Variants in IREB2 observed in about 807,000 individuals in gnomAD.
The protein encoded by IREB2 is iron responsive element binding protein 2, also known as iron-responsive element-binding protein 2.
A neutral mutation model predicts 118.8 loss-of-function variants in IREB2; 39 were observed. The observed-to-expected ratio is 0.33, with a 90% confidence interval of 0.25 to 0.43. The LOEUF (loss-of-function observed/expected upper bound fraction) is 0.43. Among genes scored for constraint, IREB2 ranks in the 20% least tolerant of loss-of-function variants. IREB2 has a pLI of 1.00. For synonymous variants in IREB2, 372 were observed against 392.2 expected (o/e 0.95, Z 0.61); for missense variants, 900 against 1,147.3 (o/e 0.78, Z 3.11).
intron 2 of IREB2, among the ~76,000 whole-genome samples, chr15:78,446,815 T>A (rs1388875349): frequency 6.6e-6 from 1 of 151,878 alleles, no homozygotes; most frequent in Non-Finnish European, 1.5e-5. Flanking sequence ...CACCGAGAAC[T>A]GTAGCAGTTT....
At chr15:78,488,389 G>A (rs936023157) in intron 15 of IREB2, 53 bp downstream of exon 15, 3 of 1,419,354 alleles carry the variant, frequency 2.1e-6, no homozygotes, top group African/African-American at 1.5e-5. Flanking sequence ...CCCAATGGAA[G>A]TCGTTATATT....
At chr15:78,495,432 T>C (rs1398379092) in intron 20 of IREB2, among the ~76,000 whole-genome samples, 5 of 152,140 alleles carry the variant, frequency 3.3e-5, no homozygotes, top group Non-Finnish European at 7.4e-5. Context: ...TTACAAGCCA[T>C]GGATGGGGGC....
chr15:78,483,572 C>A, intron 11 of IREB2, 138 bp downstream of exon 11: 1 of 572,368 alleles, frequency 1.7e-6, no homozygotes, highest in South Asian at 2.7e-5. Context: ...CCTTATTTTC[C>A]TTCTGTCTAA....
At chr15:78,497,823 TAACTA>T (rs1388853754) in intron 21 of IREB2, among the ~76,000 whole-genome samples, 1 of 152,202 alleles carries the variant, frequency 6.6e-6, no homozygotes, top group Non-Finnish European at 1.5e-5. Flanking sequence ...TTTTTCTACT[TAACTA>T]TGAAGCCCAT....
chr15:78,476,089 A>C, intron 8 of IREB2, 99 bp from the exon 9 acceptor site: 1 of 760,400 alleles, frequency 1.3e-6, no homozygotes, highest in African/African-American at 1.7e-5. Context: ...CTTCACCATC[A>C]CTAGTATTGG....
In IREB2 at chr15:78,438,319, G is replaced by GA; in HGVS notation, c.-18dup. ...CCCCCGCTGGCCCCCTCCCCGGAGG[G>GA]ATAATATGGTCTCCGGCGATGGACG... On this transcript the variant is annotated 5_prime_UTR_variant, in exon 1 of 22. Transcript: ENST00000258886. 2 of 1,585,444 alleles carry GA rather than the reference G, an allele frequency of 1.3e-6. No individual in the cohort carries two copies. The highest frequency in any genetic ancestry group is 1.2e-5 in the South Asian group (1 of 86,856).
chr15:78,464,908 C>T (rs2051255527), intron 3 of IREB2, among the ~76,000 whole-genome samples: 2 of 151,934 alleles, frequency 1.3e-5, no homozygotes, highest in South Asian at 2.1e-4. Flanking sequence ...TGGGGCAACA[C>T]GAAGGCACTA....
intron 20 of IREB2, 100 bp from the exon 21 acceptor site, chr15:78,497,026 G>A (rs2051847559): frequency 3.9e-6 from 3 of 772,800 alleles, no homozygotes; most frequent in Admixed American, 2.4e-5. Flanking sequence ...TAGACTAAAA[G>A]TATTTAGAGA....
chr15:78,456,879 G>A (rs1475628813), intron 2 of IREB2, among the ~76,000 whole-genome samples: 1 of 151,938 alleles, frequency 6.6e-6, no homozygotes, highest in Non-Finnish European at 1.5e-5. Flanking sequence ...CCTCCATGTT[G>A]TTAAATTGCC....
At chr15:78,459,126 G>A (rs780679372) in intron 2 of IREB2, among the ~76,000 whole-genome samples, 77 of 152,170 alleles carry the variant, frequency 5.1e-4, no homozygotes, top group Non-Finnish European at 3.5e-4. Flanking sequence ...AAAAAGTAGC[G>A]TGAGAATACT....
chr15:78,485,555 A>G, intron 12 of IREB2, 150 bp from the exon 13 acceptor site: 1 of 760,994 alleles, frequency 1.3e-6, no homozygotes, highest in Non-Finnish European at 2.0e-6. Context: ...GAAGCAAATC[A>G]GTAGAATAAA....
chr15:78,481,252 G>T (rs1196839089), intron 10 of IREB2, among the ~76,000 whole-genome samples: 1 of 152,168 alleles, frequency 6.6e-6, no homozygotes, highest in Non-Finnish European at 1.5e-5. Context: ...ACCCATGCTG[G>T]AGTGCAGTGG....
At chr15:78,492,623 G>A (rs1286729592) in intron 18 of IREB2, among the ~76,000 whole-genome samples, 1 of 152,092 alleles carries the variant, frequency 6.6e-6, no homozygotes, top group East Asian at 1.9e-4. Flanking sequence ...AAAGGCAGTG[G>A]CACTTGGCCC....
chr15:78,487,356 A>G (rs2051678066), intron 13 of IREB2, among the ~76,000 whole-genome samples: 1 of 152,212 alleles, frequency 6.6e-6, no homozygotes, highest in South Asian at 2.1e-4. Context: ...GATAAGTGCT[A>G]TTAAGGCTCT....
Position 78,438,281 on chromosome 15 carries a change from C to T in IREB2, c.-57C>T, listed in dbSNP as rs1050531351. On this transcript the variant is annotated 5_prime_UTR_variant, in exon 1 of 22. Transcript: ENST00000258886. ...CTTCCTCCCCGTCTTCCCTGCCCGG[C>T]CTCCCCCTTCTTCCCCCGCTGGCCC... 7.9e-6 allele frequency: 11 copies of T among 1,392,054 alleles called. No homozygotes were observed. The highest frequency in any genetic ancestry group is 2.8e-5 in the African/African-American group (2 of 70,552). 86.2% of individuals were successfully genotyped at this position (1,392,054 alleles called of 1,614,324 possible). A position where few individuals can be genotyped will look rare whatever the true frequency, so the allele number is the denominator to read the frequency against.
chr15:78,481,500 T>C (rs1596007964), intron 10 of IREB2, among the ~76,000 whole-genome samples: 1 of 147,638 alleles, frequency 6.8e-6, no homozygotes. Context: ...AGACTACAGG[T>C]GCCCGCCACC....
intron 12 of IREB2, among the ~76,000 whole-genome samples, chr15:78,485,345 C>T (rs1596010463): frequency 1.3e-5 from 2 of 152,102 alleles, no homozygotes; most frequent in East Asian, 3.9e-4. Flanking sequence ...TGTATAAAAC[C>T]ATGTATAATG....
In IREB2 at chr15:78,490,390, C is replaced by T. The variant is rs116946710; in HGVS notation, c.2077-32C>T. The T allele has an allele frequency of 2.8e-3, 3,922 of 1,426,174 alleles. 141 individuals are homozygous for T. The East Asian group carries it at 0.07, about 26-fold the overall frequency. The allele number at this position is 1,426,174 out of a possible 1,614,324, so 88.3% of individuals were successfully genotyped here. ...CTTTTTCTGAGTCCTTTTATCTTTGCTTTGGTTCATCAACGAAAACTGTAT... is the reference window on the plus strand; with the variant it reads ...CTTTTTCTGAGTCCTTTTATCTTTGTTTTGGTTCATCAACGAAAACTGTAT... On this transcript the variant is annotated intron_variant, in intron 16 of 21. Coordinates refer to ENST00000258886, the MANE Select transcript of IREB2 (RefSeq NM_004136.4).
At chr15:78,443,609 T>G (rs1204314157) in intron 2 of IREB2, among the ~76,000 whole-genome samples, 5 of 152,120 alleles carry the variant, frequency 3.3e-5, no homozygotes, top group African/African-American at 1.2e-4. Context: ...CTCCTTTGTT[T>G]TTTTATTTTT....
Sources: gnomAD v4.1 joint callset for allele counts (sites outside exome capture counted in the v4.1 genomes callset) on GRCh38, gnomAD v4.1.1 for gene constraint, MANE v1.5 for transcripts, NCBI Gene and HGNC (gene_info 2026-07-23, HGNC 2026-07-21) for gene names.